The following SEC14L1 variants were observed in gnomAD, a reference collection of about 807,000 sequenced individuals.
SEC14L1 encodes SEC14 like lipid binding 1, also known as SEC14-like protein 1.
Under a neutral mutation model 85.3 loss-of-function variants are expected in SEC14L1, and 48 were observed. The ratio of observed to expected loss-of-function variants is 0.56; its 90% confidence interval spans 0.45 to 0.72. SEC14L1 has a LOEUF of 0.72. SEC14L1 is among the 30% of genes least tolerant of loss of function. The pLI is 0.00. For synonymous variants in SEC14L1, 391 were observed against 355.5 expected, an observed-to-expected ratio of 1.10 and a Z score of -1.12; for missense variants, 682 against 921.4, an observed-to-expected ratio of 0.74 and a Z score of 3.36.
At chr17:77,174,285 C>T (rs1361995043) in intron 3 of SEC14L1, among the ~76,000 whole-genome samples, 1 of 151,980 alleles carries the variant, frequency 6.6e-6, no homozygotes, top group African/African-American at 2.4e-5. Context: ...TTTGCTTCTG[C>T]TTAATCCTTC....
rs747815134 is a variant in SEC14L1 at position 77,209,451 on chromosome 17, G to A, written c.1586G>A (p.Ser529Asn). Residue 529 changes from serine (S) to asparagine (N), a missense_variant, in exon 14 of 17, where the codon AGC (serine) becomes AAC (asparagine). Ser to Asn is a conservative substitution (Grantham distance 46). Around this residue, in one of 3 missense-constraint regions of SEC14L1, gnomAD observed 420 missense variants for 619.5 expected, o/e 0.68. Coordinates refer to ENST00000436233, the MANE Select transcript of SEC14L1 (RefSeq NM_001143998.2). ...ACTGAGACCATCTACCAGTCTGCAA[G>A]CGTCTTCAAAGGAGCCCCACATGAG... The part of the protein sequence containing the change: ...LWTETIYQSA[S>N]VFKGAPHEIL... 3.1e-6 allele frequency: 5 copies of A among 1,614,194 alleles called. No homozygotes were observed. The South Asian group carries it at 5.5e-5, about 18-fold the overall frequency.
chr17:77,200,558 GT>G lies in SEC14L1; in HGVS notation c.895del (p.Cys299ValfsTer4). The G allele has an allele frequency of 6.2e-7, 1 of 1,614,050 alleles. No homozygotes were observed. Among genetic ancestry groups the G allele is most frequent in the Non-Finnish European group, 8.5e-7 (1 of 1,179,888 alleles). On this transcript the variant is annotated frameshift_variant, in exon 9 of 17. Transcript: ENST00000436233. LOFTEE classifies it high-confidence loss of function. ...ATATTGACAAAGCCAGAGAGATCAT[GT>G]GTCAGTCTTTGACGTGGAGAAAGCA... is the stretch of plus-strand genomic sequence containing the variant. ...FNIDKAREIM[C>X]QSLTWRKQHQ...
intron 3 of SEC14L1, among the ~76,000 whole-genome samples, chr17:77,148,132 C>A (rs1051267671): frequency 6.6e-6 from 1 of 152,116 alleles, no homozygotes; most frequent in African/African-American, 2.4e-5. Context: ...ATCTCCCCCT[C>A]CCCCTGCATG....
intron 3 of SEC14L1, among the ~76,000 whole-genome samples, chr17:77,106,844 A>C (rs1336522976): frequency 6.6e-6 from 1 of 151,298 alleles, no homozygotes; most frequent in African/African-American, 2.5e-5. Flanking sequence ...CTCAAAAAAA[A>C]TAAAAAAGAA....
chr17:77,172,565 C>T (rs1468331894), intron 3 of SEC14L1, among the ~76,000 whole-genome samples: 3 of 152,108 alleles, frequency 2.0e-5, no homozygotes, highest in Non-Finnish European at 4.4e-5. Context: ...CGTACATATA[C>T]CTTTTGAGCG....
chr17:77,129,670 G>C (rs924638618), intron 3 of SEC14L1, among the ~76,000 whole-genome samples: 1 of 152,280 alleles, frequency 6.6e-6, no homozygotes, highest in Admixed American at 6.5e-5. Context: ...AGTTCTGCCC[G>C]CAGAGCTGAA....
chr17:77,103,755 T>G (rs1034325737), intron 3 of SEC14L1, among the ~76,000 whole-genome samples: 1 of 24,450 alleles, frequency 4.1e-5, no homozygotes, highest in Non-Finnish European at 8.1e-5. Flanking sequence ...AGTCATCCTT[T>G]CCAATAGTCT....
intron 3 of SEC14L1, among the ~76,000 whole-genome samples, chr17:77,186,643 A>G (rs1192963589): frequency 6.6e-6 from 1 of 152,210 alleles, no homozygotes; most frequent in African/African-American, 2.4e-5. Flanking sequence ...AAGAAAACTG[A>G]GGGTGACTTT....
chr17:77,106,945 G>A (rs1159649757), intron 3 of SEC14L1, among the ~76,000 whole-genome samples: 1 of 152,202 alleles, frequency 6.6e-6, no homozygotes, highest in Non-Finnish European at 1.5e-5. Flanking sequence ...GACTCCCCAT[G>A]AATGCTTGTA....
intron 3 of SEC14L1, among the ~76,000 whole-genome samples, chr17:77,105,404 C>G (rs915283476): frequency 1.6e-5 from 2 of 125,694 alleles, no homozygotes; most frequent in Non-Finnish European, 3.2e-5. Context: ...AAAAAGAGTT[C>G]AAGGAGGTCC....
chr17:77,144,872 A>T (rs1480713678), intron 3 of SEC14L1: 2 of 152,004 alleles, frequency 1.3e-5, no homozygotes, highest in Admixed American at 1.3e-4. Context: ...TTGGTCTCCC[A>T]GAGTGCTGGG....
rs578036506 is a variant in SEC14L1, at chr17:77,200,304, G to T, written c.820-180G>T. Among the ~76,000 whole-genome samples the T allele has an allele frequency of 4.6e-5, 7 of 152,176 alleles. No homozygotes were observed. The East Asian group carries it at 1.4e-3, about 29-fold the overall frequency. On this transcript the variant is annotated intron_variant, in intron 8 of 16. Coordinates refer to ENST00000436233, the MANE Select transcript of SEC14L1 (RefSeq NM_001143998.2). ...CCTGCTTCAGCCTCCGAGTAGCTGG[G>T]ATTACAGGCATGCACCACCATGCCT... is the stretch of plus-strand genomic sequence containing the variant.
rs761159765 is a variant in SEC14L1 at position 77,205,342 on chromosome 17, A to G, written c.1165A>G (p.Ile389Val). 2 of 1,613,824 alleles carry G rather than the reference A, an allele frequency of 1.2e-6. No individual in the cohort carries two copies. Among genetic ancestry groups the G allele is most frequent in the East Asian group, 2.2e-5 (1 of 44,882 alleles). ...GAATACAAAAGTCTTTGGTCGGCCT[A>G]TCAGGTAGATGTGGGATTTTGTTTT... ...EENTKVFGRP[I>V]SSWTCLVDLE... Residue 389 changes from isoleucine to valine, a missense_variant, in exon 11 of 17, where the codon ATC (isoleucine) becomes GTC (valine). Transcript: ENST00000436233.
At position 77,186,900 on chromosome 17, in the gene SEC14L1, C is replaced by A. The variant is rs570062146; in HGVS notation, c.64-3903C>A. Among the ~76,000 whole-genome samples the A allele has an allele frequency of 2.0e-5, 3 of 152,302 alleles. No homozygotes were observed. The East Asian group carries it at 5.8e-4, about 29-fold the overall frequency. ...GTGCCATTTTCATTAATATTTTTAA[C>A]ACCAAAGGTTTCTTCCTTAACTCTG... On this transcript the variant is annotated intron_variant, in intron 3 of 16. Transcript: ENST00000436233.
chr17:77,108,729 GCT>G (rs1203204416), intron 3 of SEC14L1, among the ~76,000 whole-genome samples: 1 of 144,400 alleles, frequency 6.9e-6, no homozygotes, highest in African/African-American at 2.6e-5. Context: ...ACAGAGCCAG[GCT>G]CTGTCTCAAA....
chr17:77,209,249 T>G, intron 13 of SEC14L1, 93 bp from the exon 14 acceptor site: 24 of 1,460,002 alleles, frequency 1.6e-5, no homozygotes, highest in Non-Finnish European at 2.1e-5. Context: ...CTCCAGAAGT[T>G]GAGTGCAGGG....
chr17:77,201,452 CTT>C (rs540189374), intron 9 of SEC14L1, among the ~76,000 whole-genome samples: 19 of 138,364 alleles, frequency 1.4e-4, no homozygotes, highest in Non-Finnish European at 1.3e-4. Flanking sequence ...ACAAATGTGT[CTT>C]TTTTTTTTTT....
upstream of SEC14L1, among the ~76,000 whole-genome samples, chr17:77,138,620 AAAAC>A (rs200665692): frequency 3.9e-5 from 6 of 152,106 alleles, no homozygotes; most frequent in Non-Finnish European, 5.9e-5. Flanking sequence ...ACTCCATCTC[AAAAC>A]AAACAAACAA....
intron 13 of SEC14L1, among the ~76,000 whole-genome samples, chr17:77,208,654 C>T (rs1436403160): frequency 6.6e-6 from 1 of 152,286 alleles, no homozygotes; most frequent in Middle Eastern, 3.4e-3. Context: ...TTTTCCACCA[C>T]GACATCACTG....
Sources: gnomAD v4.1 joint callset for allele counts (sites outside exome capture counted in the v4.1 genomes callset) on GRCh38, gnomAD v4.1.1 for gene constraint, gnomAD v4.1.1 regional missense constraint, MANE v1.5 for transcripts, NCBI Gene and HGNC (gene_info 2026-07-23, HGNC 2026-07-21) for gene names.